Variants in HLA-F observed in about 807,000 individuals in gnomAD.
HLA-F encodes the protein HLA class I histocompatibility antigen, alpha chain F.
In HLA-F, 46 loss-of-function variants were observed where a neutral mutation model predicts 49.5. That is an observed-to-expected ratio of 0.93 (90% confidence interval 0.73 to 1.19). The LOEUF is 1.19. Among genes scored for constraint, HLA-F ranks in the 50% most tolerant of loss-of-function variants. The probability of loss-of-function intolerance (pLI) is 0.00; values close to 1 mark genes in which losing one functional copy is unlikely to be tolerated. For missense variants in HLA-F, 496 were observed against 579.6 expected, an observed-to-expected ratio of 0.86 and a Z score of 1.48; for synonymous variants, 203 against 233.5, an observed-to-expected ratio of 0.87 and a Z score of 1.19.
In HLA-F at chr6:29,723,680, C is replaced by T. The variant is rs765314116; in HGVS notation, c.87C>T (p.Phe29=). 1 of 1,610,748 alleles carries T rather than the reference C, an allele frequency of 6.2e-7. No homozygotes were observed. Among genetic ancestry groups the T allele is most frequent in the South Asian group, 1.1e-5 (1 of 90,884 alleles). Residue 29 remains phenylalanine, a synonymous_variant, in exon 2 of 7, where the codon TTC becomes TTT. Coordinates refer to ENST00000259951, the MANE Select transcript of HLA-F (RefSeq NM_001098479.2). ...CAGGCTCCCACTCCTTGAGGTATTT[C>T]AGCACCGCTGTGTCGCGGCCCGGCC... The part of the protein sequence containing the change: ...TWAGSHSLRY[F]STAVSRPGRG...
At chr6:29,724,885 C>T (rs1775843489) in intron 3 of HLA-F, 146 bp from the exon 4 acceptor site, 1 of 936,368 alleles carries the variant, frequency 1.1e-6, no homozygotes, top group Non-Finnish European at 1.6e-6. Flanking sequence ...GAGATTTTCC[C>T]AGGTGTCTGT....
chr6:29,724,600 C>T (rs1244148805), intron 3 of HLA-F, 152 bp downstream of exon 3: 9 of 796,930 alleles, frequency 1.1e-5, no homozygotes, highest in Non-Finnish European at 1.4e-5. Flanking sequence ...AGATCCGGTA[C>T]CAGAGAGTGA....
In HLA-F at chr6:29,723,776, C is replaced by T; in HGVS notation, c.183C>T (p.Ala61=). 2 of 1,610,280 alleles carry T rather than the reference C, an allele frequency of 1.2e-6. No individual in the cohort carries two copies. Among genetic ancestry groups the T allele is most frequent in the Non-Finnish European group, 8.5e-7 (1 of 1,178,870 alleles). ...AATTCCTGCGGTTCGACAGCGACGC[C>T]GCGATTCCGAGGATGGAGCCGCGGG... The part of the protein sequence containing the change: ...DTQFLRFDSD[A]AIPRMEPREP... Residue 61 remains alanine, a synonymous_variant, in exon 2 of 7, where the codon GCC becomes GCT. Coordinates refer to ENST00000259951, the MANE Select transcript of HLA-F (RefSeq NM_001098479.2).
intron 3 of HLA-F, chr6:29,735,620 A>T (rs1314860393): frequency 1.3e-5 from 2 of 151,934 alleles, no homozygotes; most frequent in Non-Finnish European, 2.9e-5. Flanking sequence ...CAGGTTGATT[A>T]TAATGTTCTC....
At chr6:29,737,554 G>A (rs1334890080) in intron 3 of HLA-F, among the ~76,000 whole-genome samples, 1 of 152,148 alleles carries the variant, frequency 6.6e-6, no homozygotes, top group African/African-American at 2.4e-5. Context: ...CAGTTGATGG[G>A]GCTTCTAGGT....
At chr6:29,723,984 G>A in intron 2 of HLA-F, 57 bp downstream of exon 2, 2 of 1,559,168 alleles carry the variant, frequency 1.3e-6, no homozygotes, top group East Asian at 2.4e-5. Flanking sequence ...GCCACGGACC[G>A]CCCGGGTCCC....
At chr6:29,734,996 C>A (rs1258399757) in intron 3 of HLA-F, 1 of 152,146 alleles carries the variant, frequency 6.6e-6, no homozygotes, top group African/African-American at 2.4e-5. Context: ...ATCAGTATTT[C>A]ATTCCTTTTA....
At chr6:29,725,971 C>A in intron 5 of HLA-F, 40 bp from the exon 6 acceptor site, 12 of 1,612,388 alleles carry the variant, frequency 7.4e-6, no homozygotes, top group Non-Finnish European at 9.3e-6. Flanking sequence ...TATGGCCCTG[C>A]CTCCTTTCTG....
chr6:29,726,401 A>G lies in HLA-F; in HGVS notation c.1036+358A>G, dbSNP rs1191579774. The G allele has an allele frequency of 1.9e-6, 3 of 1,611,766 alleles. No individual in the cohort carries two copies. The Admixed American group carries it at 5.0e-5, about 27-fold the overall frequency. The stretch of plus-strand genomic sequence containing the variant: ...ATTTGTTCATGAATATTTTCTCTAT[A>G]GTGTGAGACAGCTTCCTTGTGTGGG... On this transcript the variant is annotated intron_variant, in intron 6 of 6. Coordinates refer to ENST00000259951, the MANE Select transcript of HLA-F (RefSeq NM_001098479.2).
At chr6:29,730,017 A>C (rs1429221439), downstream of HLA-F, among the ~76,000 whole-genome samples, 2 of 152,230 alleles carry the variant, frequency 1.3e-5, no homozygotes, top group African/African-American at 4.8e-5. Flanking sequence ...TTCCTCAAGA[A>C]AGTAAAAACA....
Position 29,723,714 on chromosome 6 carries a change from C to G in HLA-F, c.121C>G (p.Pro41Ala). Reference protein sequence around the residue: ...TAVSRPGRGEPRYIAVEYVDD... With the variant: ...TAVSRPGRGEARYIAVEYVDD... ...TGTGTCGCGGCCCGGCCGCGGGGAG[C>G]CCCGCTACATCGCCGTGGAGTACGT... The change falls in exon 2 of 7, where the codon CCC becomes GCC. Residue 41 changes from proline (P) to alanine (A), a missense_variant. Coordinates refer to ENST00000259951, the MANE Select transcript of HLA-F (RefSeq NM_001098479.2). The G allele has an allele frequency of 6.2e-7, 1 of 1,611,760 alleles. No homozygotes were observed. Among genetic ancestry groups the G allele is most frequent in the Non-Finnish European group, 8.5e-7 (1 of 1,179,740 alleles).
chr6:29,725,028 C>G lies in HLA-F; in HGVS notation c.611-3C>G. On this transcript the variant is annotated splice_polypyrimidine_tract_variant and splice_region_variant and intron_variant, in intron 3 of 6. Transcript: ENST00000259951. ...AGTGCCTGAATTTTCTGACTCTTCT[C>G]AGATCCTCCAAAGGCACACGTTGCC... 6.2e-7 allele frequency: 1 copy of G among 1,612,796 alleles called. No individual in the cohort carries two copies. Among genetic ancestry groups the G allele is most frequent in the South Asian group, 1.1e-5 (1 of 91,038 alleles).
chr6:29,737,218 C>CAAAAAAAAAAAAAAAAAAAAAAA lies in HLA-F; in HGVS notation c.404-903_404-881dup, dbSNP rs3030698. 6.1e-5 allele frequency among the ~76,000 whole-genome samples: 4 copies of CAAAAAAAAAAAAAAAAAAAAAAA among 65,192 alleles called. 1 individual carries two copies. The highest frequency in any genetic ancestry group is 1.5e-4 in the African/African-American group (2 of 13,574). 42.8% of individuals were successfully genotyped at this position (65,192 alleles called of 152,430 possible). The stretch of plus-strand genomic sequence containing the variant: ...GATATAGTACCATCAATCCTCATGG[C>CAAAAAAAAAAAAAAAAAAAAAAA]AAAAAAAAAAAAAAAAAAAAAAACC... On this transcript the variant is annotated intron_variant, in intron 3 of 4. Transcript: ENST00000465459.
intron 3 of HLA-F, among the ~76,000 whole-genome samples, chr6:29,733,247 G>A (rs1218472257): frequency 6.6e-6 from 1 of 152,066 alleles, no homozygotes; most frequent in African/African-American, 2.4e-5. Context: ...TCAGCACCAC[G>A]CAAAGGACAG....
At position 29,724,225 on chromosome 6, in the gene HLA-F, C is replaced by A; in HGVS notation, c.387C>A (p.Arg129=). ...MNGCDMGPDG[R]LLRGYHQHAY... Reference sequence around the variant, plus strand: ...GCTGCGACATGGGGCCCGACGGACGCCTCCTCCGCGGGTATCACCAGCACG... The same window carrying A: ...GCTGCGACATGGGGCCCGACGGACGACTCCTCCGCGGGTATCACCAGCACG... The change falls in exon 3 of 7, where the codon CGC becomes CGA. Residue 129 remains arginine, a synonymous_variant. Transcript: ENST00000259951. The A allele has an allele frequency of 6.2e-7, 1 of 1,613,198 alleles. No homozygotes were observed. The highest frequency in any genetic ancestry group is 8.5e-7 in the Non-Finnish European group (1 of 1,180,036).
intron 6 of HLA-F, chr6:29,726,566 T>TGA: frequency 2.0e-6 from 3 of 1,507,518 alleles, no homozygotes; most frequent in Non-Finnish European, 2.6e-6. Context: ...TAAATGTGTG[T>TGA]GTGTGTGTGT....
chr6:29,726,399 A>C, intron 6 of HLA-F: 1 of 1,611,834 alleles, frequency 6.2e-7, no homozygotes, highest in Non-Finnish European at 8.5e-7. Flanking sequence ...TATTTTCTCT[A>C]TAGTGTGAGA....
intron 3 of HLA-F, among the ~76,000 whole-genome samples, chr6:29,733,013 C>A (rs528374929): frequency 6.6e-6 from 1 of 152,160 alleles, no homozygotes; most frequent in South Asian, 2.1e-4. Flanking sequence ...TATGGCAAAA[C>A]CCTGTCTCTA....
Position 29,724,495 on chromosome 6 carries a change from G to A in HLA-F, c.610+47G>A, listed in dbSNP as rs372809308. 124 of 1,593,704 alleles carry A rather than the reference G, an allele frequency of 7.8e-5. No homozygotes were observed. In the African/African-American group the frequency reaches 1.3e-3, roughly 17 times the overall value. On this transcript the variant is annotated intron_variant, in intron 3 of 6. Coordinates refer to ENST00000259951, the MANE Select transcript of HLA-F (RefSeq NM_001098479.2). ...TTCCCTATCTCCTGTAGATCTCTTGGGATGGCCTCGCACAAGGTTGGGAGG... is the reference window on the plus strand; with the variant it reads ...TTCCCTATCTCCTGTAGATCTCTTGAGATGGCCTCGCACAAGGTTGGGAGG...
Sources: allele counts gnomAD v4.1 joint callset (sites outside exome capture counted in the v4.1 genomes callset), GRCh38; gene constraint gnomAD v4.1.1; transcripts MANE v1.5; gene names NCBI Gene and HGNC (gene_info 2026-07-23, HGNC 2026-07-21).